The following PGM2L1 variants were observed in gnomAD, a reference collection of about 807,000 sequenced individuals.
PGM2L1 encodes glucose 1,6-bisphosphate synthase.
Under a neutral mutation model 73.4 loss-of-function variants are expected in PGM2L1, and 35 were observed. That is an observed-to-expected ratio of 0.48 (90% CI 0.36 to 0.63). The LOEUF (loss-of-function observed/expected upper bound fraction) is 0.63, where lower values mean the gene tolerates loss of function less well. PGM2L1 is among the 30% of genes least tolerant of loss of function. The pLI is 0.00. For synonymous variants in PGM2L1, 225 were observed against 253.8 expected, an observed-to-expected ratio of 0.89 and a Z score of 1.08; for missense variants, 570 against 742.0, an observed-to-expected ratio of 0.77 and a Z score of 2.69.
chr11:74,353,543 G>C (rs1390963485), intron 5 of PGM2L1, among the ~76,000 whole-genome samples: 1 of 151,152 alleles, frequency 6.6e-6, no homozygotes, highest in African/African-American at 2.4e-5. Context: ...TGACTCTTAA[G>C]GAGCATGCTG....
At chr11:74,385,877 T>A (rs1040129313) in intron 1 of PGM2L1, among the ~76,000 whole-genome samples, 4 of 152,204 alleles carry the variant, frequency 2.6e-5, no homozygotes, top group Admixed American at 1.3e-4. Flanking sequence ...TAAATATCTC[T>A]GTATCATGTA....
intron 1 of PGM2L1, among the ~76,000 whole-genome samples, chr11:74,383,124 A>G (rs995139126): frequency 1.3e-5 from 2 of 152,196 alleles, no homozygotes; most frequent in South Asian, 4.1e-4. Flanking sequence ...ATATTCACTA[A>G]AGTAATGTTA....
At chr11:74,392,262 T>C (rs1863113224) in intron 1 of PGM2L1, among the ~76,000 whole-genome samples, 1 of 151,838 alleles carries the variant, frequency 6.6e-6, no homozygotes, top group Non-Finnish European at 1.5e-5. Flanking sequence ...TTTTTTAAAA[T>C]CATAAGCATG....
intron 1 of PGM2L1, among the ~76,000 whole-genome samples, chr11:74,379,509 A>G (rs928677402): frequency 3.9e-5 from 6 of 152,178 alleles, no homozygotes; most frequent in African/African-American, 1.4e-4. Flanking sequence ...TTCTAACACA[A>G]TTTGAATCTA....
At chr11:74,366,068 T>C (rs1317575999) in intron 5 of PGM2L1, among the ~76,000 whole-genome samples, 2 of 152,110 alleles carry the variant, frequency 1.3e-5, no homozygotes, top group Non-Finnish European at 2.9e-5. Context: ...TGTAGGGACA[T>C]GGATGAAGCT....
intron 12 of PGM2L1, among the ~76,000 whole-genome samples, chr11:74,340,778 A>G (rs1318386774): frequency 6.6e-6 from 1 of 152,226 alleles, no homozygotes; most frequent in Non-Finnish European, 1.5e-5. Context: ...CTATGTAATG[A>G]AACCTGAAGA....
At chr11:74,394,201 T>A (rs1863142400) in intron 1 of PGM2L1, among the ~76,000 whole-genome samples, 1 of 152,232 alleles carries the variant, frequency 6.6e-6, no homozygotes, top group Non-Finnish European at 1.5e-5. Context: ...TCCCTGTGAT[T>A]TGATTTCATG....
In PGM2L1 at chr11:74,333,024, T is replaced by C. The variant is rs1384489850; in HGVS notation, c.*3628A>G. On this transcript the variant is annotated 3_prime_UTR_variant, in exon 14 of 14. Coordinates refer to ENST00000298198, the MANE Select transcript of PGM2L1 (RefSeq NM_173582.6). The stretch of plus-strand genomic sequence containing the variant: ...TACTCAAAACACACAAAAATTGTTT[T>C]GTGAGCTAAATTCTTCTAGATATGG... 1 of 152,344 alleles carries C rather than the reference T, an allele frequency of 6.6e-6. No individual in the cohort carries two copies. The highest frequency in any genetic ancestry group is 1.5e-5 in the Non-Finnish European group (1 of 68,018). The allele number at this position is 152,344 out of a possible 1,614,324, so 9.4% of individuals were successfully genotyped here. A position where few individuals can be genotyped will look rare whatever the true frequency, so the allele number is the denominator to read the frequency against.
chr11:74,354,822 G>A, intron 5 of PGM2L1: 1 of 794,094 alleles, frequency 1.3e-6, no homozygotes, highest in Non-Finnish European at 2.1e-6. Flanking sequence ...ATTTTGAACA[G>A]TATGGGAAAA....
At chr11:74,376,036 A>G in intron 1 of PGM2L1, among the ~76,000 whole-genome samples, 1 of 152,210 alleles carries the variant, frequency 6.6e-6, no homozygotes. Context: ...ATACCCTGCT[A>G]GTAGGAATGT....
At chr11:74,377,186 G>A (rs952863913) in intron 1 of PGM2L1, among the ~76,000 whole-genome samples, 11 of 150,074 alleles carry the variant, frequency 7.3e-5, no homozygotes, top group Non-Finnish European at 4.4e-5. Context: ...CCAGGCTGGA[G>A]AGCAGTGGCG....
intron 5 of PGM2L1, among the ~76,000 whole-genome samples, chr11:74,356,671 G>A (rs1862461415): frequency 6.6e-6 from 1 of 152,172 alleles, no homozygotes; most frequent in African/African-American, 2.4e-5. Context: ...GGGAGGAAAT[G>A]TCTGCAAAAC....
Position 74,398,304 on chromosome 11 carries a change from G to A in PGM2L1, c.-143C>T, listed in dbSNP as rs1863214652. On this transcript the variant is annotated 5_prime_UTR_variant, in exon 1 of 14. Coordinates refer to ENST00000298198, the MANE Select transcript of PGM2L1 (RefSeq NM_173582.6). ...GACCAACCGCAGGGTGTTCGTAACAGCTCCTGCCGCGGCGTCAGGGAACCG... is the reference window on the plus strand; with the variant it reads ...GACCAACCGCAGGGTGTTCGTAACAACTCCTGCCGCGGCGTCAGGGAACCG... 1.4e-5 allele frequency: 18 copies of A among 1,242,506 alleles called. No homozygotes were observed. Among genetic ancestry groups the A allele is most frequent in the Non-Finnish European group, 1.9e-5 (18 of 952,734 alleles). The allele number at this position is 1,242,506 out of a possible 1,614,324, so 77.0% of individuals were successfully genotyped here.
chr11:74,374,491 C>A lies in PGM2L1; in HGVS notation c.203G>T (p.Gly68Val). 6.2e-7 allele frequency: 1 copy of A among 1,614,100 alleles called. No individual in the cohort carries two copies. Among genetic ancestry groups the A allele is most frequent in the Non-Finnish European group, 8.5e-7 (1 of 1,179,974 alleles). ...RDRLCCRMTF[G>V]TAGLRSAMGA... Reference sequence around the variant, plus strand: ...CATGGCAGAACGAAGTCCTGCAGTCCCAAAAGTCATTCGGCAACAAAGACG... The same window carrying A: ...CATGGCAGAACGAAGTCCTGCAGTCACAAAAGTCATTCGGCAACAAAGACG... Residue 68 changes from glycine to valine, a missense_variant, in exon 2 of 14, where the codon GGG becomes GTG. Physicochemically the swap from Gly to Val is moderately radical, Grantham distance 109. Transcript: ENST00000298198.
chr11:74,390,328 T>C (rs1863082751), intron 1 of PGM2L1, among the ~76,000 whole-genome samples: 1 of 152,236 alleles, frequency 6.6e-6, no homozygotes, highest in African/African-American at 2.4e-5. Context: ...TGTGTAGTTT[T>C]TCCACACCAT....
chr11:74,380,887 T>G (rs1862932808), intron 1 of PGM2L1, among the ~76,000 whole-genome samples: 1 of 152,218 alleles, frequency 6.6e-6, no homozygotes, highest in African/African-American at 2.4e-5. Context: ...AATTATTGGC[T>G]AATGTGCTCA....
chr11:74,393,022 T>C (rs6592558), intron 1 of PGM2L1, among the ~76,000 whole-genome samples: 93,681 of 152,070 alleles, frequency 0.62, 31,271 homozygotes, highest in Non-Finnish European at 0.77. Context: ...GTCACTTTTC[T>C]TTTATGAGCT....
chr11:74,385,722 C>G (rs1465453949), intron 1 of PGM2L1, among the ~76,000 whole-genome samples: 1 of 151,956 alleles, frequency 6.6e-6, no homozygotes, highest in African/African-American at 2.4e-5. Flanking sequence ...GGCGAAAATA[C>G]TACCAACAGG....
chr11:74,354,750 T>C (rs1436077904), intron 5 of PGM2L1: 1 of 1,053,304 alleles, frequency 9.5e-7, no homozygotes, highest in East Asian at 2.4e-5. Flanking sequence ...CCCACTTAAC[T>C]GTGAAAAAGC....
Sources: allele counts gnomAD v4.1 joint callset (sites outside exome capture counted in the v4.1 genomes callset), GRCh38; gene constraint gnomAD v4.1.1; transcripts MANE v1.5; gene names NCBI Gene and HGNC (gene_info 2026-07-23, HGNC 2026-07-21).